The following OXSR1 variants were observed in gnomAD, a reference collection of about 807,000 sequenced individuals.
OXSR1 encodes serine/threonine-protein kinase OSR1.
A neutral mutation model predicts 79.8 loss-of-function variants in OXSR1; 24 were observed. The ratio of observed to expected loss-of-function variants is 0.30; its 90% CI spans 0.22 to 0.42. The LOEUF (loss-of-function observed/expected upper bound fraction) is 0.42, where lower values mean the gene tolerates loss of function less well. Among genes scored for constraint, OXSR1 ranks in the 10% least tolerant of loss-of-function variants. OXSR1 has a pLI of 1.00. For missense variants in OXSR1, 430 were observed against 618.4 expected (o/e 0.70, Z 3.23); for synonymous variants, 226 against 209.2 (o/e 1.08, Z -0.69).
Position 38,242,272 on chromosome 3 carries a change from T to A in OXSR1, c.1075-471T>A, listed in dbSNP as rs34797085. On this transcript the variant is annotated intron_variant, in intron 11 of 17. Transcript: ENST00000311806. Reference sequence around the variant, plus strand: ...TATCCAACACCAAGAATAAGGGTAGTAGACTCTTTACATGCAGCTTTCAGA... The same window carrying A: ...TATCCAACACCAAGAATAAGGGTAGAAGACTCTTTACATGCAGCTTTCAGA... 1.5e-3 allele frequency among the ~76,000 whole-genome samples: 236 copies of A among 152,258 alleles called. 9 individuals carry two copies. In the East Asian group the frequency reaches 0.038, roughly 24 times the overall value.
At chr3:38,206,838 C>T (rs566815479) in intron 4 of OXSR1, among the ~76,000 whole-genome samples, 49 of 152,312 alleles carry the variant, frequency 3.2e-4, no homozygotes, top group African/African-American at 1.2e-3. Context: ...AGCAGACTGC[C>T]TAGATTCAGA....
intron 13 of OXSR1, among the ~76,000 whole-genome samples, chr3:38,246,636 C>T (rs1684277996): frequency 6.6e-6 from 1 of 152,118 alleles, no homozygotes; most frequent in African/African-American, 2.4e-5. Flanking sequence ...TTCTCTATTA[C>T]TCTTTTTAAG....
intron 8 of OXSR1, among the ~76,000 whole-genome samples, chr3:38,228,652 C>T (rs1702741702): frequency 6.6e-6 from 1 of 152,180 alleles, no homozygotes; most frequent in Non-Finnish European, 1.5e-5. Flanking sequence ...CTCACTGCAA[C>T]CTCCGCCTCA....
chr3:38,193,955 A>C (rs1702029185), intron 3 of OXSR1, among the ~76,000 whole-genome samples: 2 of 152,222 alleles, frequency 1.3e-5, no homozygotes, highest in Non-Finnish European at 2.9e-5. Context: ...AAAATGAATA[A>C]ACATTTAAAC....
At chr3:38,227,259 G>A (rs907646771) in intron 8 of OXSR1, among the ~76,000 whole-genome samples, 1 of 152,172 alleles carries the variant, frequency 6.6e-6, no homozygotes, top group African/African-American at 2.4e-5. Flanking sequence ...AATTCTCACA[G>A]TAATCCTTTG....
upstream of OXSR1, among the ~76,000 whole-genome samples, chr3:38,164,192 T>A (rs555324471): frequency 2.2e-4 from 33 of 152,238 alleles, no homozygotes; most frequent in South Asian, 6.8e-3. Context: ...TGAGACGGTG[T>A]CTCCGTCTGT....
chr3:38,187,065 CAA>C (rs1487123487), intron 2 of OXSR1, among the ~76,000 whole-genome samples: 7 of 152,232 alleles, frequency 4.6e-5, no homozygotes, highest in African/African-American at 1.7e-4. Context: ...ACATCAGTGG[CAA>C]AGAGACTAGT....
intron 2 of OXSR1, among the ~76,000 whole-genome samples, chr3:38,187,560 A>G (rs150121133): frequency 6.6e-6 from 1 of 152,296 alleles, no homozygotes; most frequent in African/African-American, 2.4e-5. Flanking sequence ...CCAGAAAGTA[A>G]TGGTAGAAAT....
intron 1 of OXSR1, among the ~76,000 whole-genome samples, chr3:38,178,620 A>ATTTTTTTTTTTTTTTT (rs71085303): frequency 1.1e-5 from 1 of 95,126 alleles, no homozygotes; most frequent in Non-Finnish European, 2.0e-5. Flanking sequence ...ATATATATAT[A>ATTTTTTTTTTTTTTTT]TTTTTTTTTT....
chr3:38,217,461 T>G (rs1298775677), intron 5 of OXSR1, among the ~76,000 whole-genome samples: 2 of 152,210 alleles, frequency 1.3e-5, no homozygotes, highest in African/African-American at 4.8e-5. Context: ...ATAATCCCAA[T>G]GCCAGTAGAA....
chr3:38,200,843 A>T (rs973200208), intron 4 of OXSR1, among the ~76,000 whole-genome samples: 2 of 152,240 alleles, frequency 1.3e-5, no homozygotes, highest in African/African-American at 4.8e-5. Flanking sequence ...AGATATTGCC[A>T]AATTGCTTTT....
chr3:38,164,623 C>T (rs1289014085), upstream of OXSR1, among the ~76,000 whole-genome samples: 1 of 152,182 alleles, frequency 6.6e-6, no homozygotes. Context: ...ACTGAGAAAA[C>T]TGTTCAGTGG....
intron 3 of OXSR1, among the ~76,000 whole-genome samples, chr3:38,191,208 GTTAC>G (rs1186971934): frequency 4.6e-5 from 7 of 151,496 alleles, no homozygotes; most frequent in Admixed American, 1.3e-4. Flanking sequence ...ACCATGCTCA[GTTAC>G]TTTTATCATT....
chr3:38,183,815 G>A (rs1360118954), intron 2 of OXSR1, among the ~76,000 whole-genome samples: 1 of 152,064 alleles, frequency 6.6e-6, no homozygotes, highest in Non-Finnish European at 1.5e-5. Context: ...TTTTTTTTAG[G>A]CATTGTGCTA....
At chr3:38,175,758 C>A (rs758115550) in intron 1 of OXSR1, among the ~76,000 whole-genome samples, 11 of 152,196 alleles carry the variant, frequency 7.2e-5, no homozygotes, top group Admixed American at 2.0e-4. Context: ...ATATTTTCTG[C>A]ACATTAATTT....
At chr3:38,212,407 G>T (rs1255732053) in intron 4 of OXSR1, among the ~76,000 whole-genome samples, 2 of 152,182 alleles carry the variant, frequency 1.3e-5, no homozygotes, top group Non-Finnish European at 2.9e-5. Context: ...TGAGTAGGAT[G>T]AATGGGTCTC....
intron 4 of OXSR1, among the ~76,000 whole-genome samples, chr3:38,202,148 A>G (rs868577376): frequency 1.3e-5 from 2 of 152,134 alleles, no homozygotes; most frequent in East Asian, 1.9e-4. Flanking sequence ...TAATTTCATA[A>G]TTGGGTCAGT....
At chr3:38,252,293 C>A (rs749643792) in intron 16 of OXSR1, 35 bp from the exon 17 acceptor site, 1 of 1,439,816 alleles carries the variant, frequency 6.9e-7, no homozygotes, top group East Asian at 2.3e-5. Context: ...TATGTAACTT[C>A]TCATTCATTA....
chr3:38,200,131 T>G (rs2125820792), intron 4 of OXSR1, among the ~76,000 whole-genome samples: 1 of 152,268 alleles, frequency 6.6e-6, no homozygotes, highest in African/African-American at 2.4e-5. Flanking sequence ...TGTCTGCTCT[T>G]TATTGGCACT....
Sources: allele counts gnomAD v4.1 joint callset (sites outside exome capture counted in the v4.1 genomes callset), GRCh38; gene constraint gnomAD v4.1.1; transcripts MANE v1.5; gene names NCBI Gene and HGNC (gene_info 2026-07-23, HGNC 2026-07-21).